The following PARD3B variants were observed in gnomAD, a reference collection of about 807,000 sequenced individuals.
PARD3B encodes partitioning defective 3 homolog B.
PARD3B carries 103 observed loss-of-function variants against 130.2 expected under a neutral mutation model. The observed-to-expected ratio is 0.79, with a 90% confidence interval of 0.67 to 0.93. The LOEUF is 0.93. Ranked by LOEUF, PARD3B falls within the 40% of genes least tolerant of loss-of-function variation. The pLI, the probability that PARD3B is intolerant of heterozygous loss-of-function variation, is 0.00. For synonymous variants in PARD3B, 583 were observed against 553.2 expected, an observed-to-expected ratio of 1.05 and a Z score of -0.76; for missense variants, 1,609 against 1,499.2, an observed-to-expected ratio of 1.07 and a Z score of -1.21.
chr2:205,137,354 A>G (rs748951385), intron 10 of PARD3B, among the ~76,000 whole-genome samples: 3 of 152,224 alleles, frequency 2.0e-5, no homozygotes, highest in Non-Finnish European at 4.4e-5. Flanking sequence ...TTCCGAAGGC[A>G]GGAAAGAAAA....
intron 10 of PARD3B, among the ~76,000 whole-genome samples, chr2:205,132,224 G>C (rs539021205): frequency 3.5e-4 from 53 of 152,288 alleles, no homozygotes; most frequent in Middle Eastern, 6.8e-3. Flanking sequence ...TATTGTGGTA[G>C]AAAACTTTGG....
chr2:205,069,354 G>A (rs906126176), intron 4 of PARD3B, among the ~76,000 whole-genome samples: 3 of 151,898 alleles, frequency 2.0e-5, no homozygotes, highest in African/African-American at 7.2e-5. Flanking sequence ...GTTATAAGGG[G>A]CATATAGATA....
chr2:204,573,522 A>G (rs2032104293), intron 1 of PARD3B, among the ~76,000 whole-genome samples: 1 of 152,122 alleles, frequency 6.6e-6, no homozygotes, highest in South Asian at 2.1e-4. Flanking sequence ...AGAGATGGTT[A>G]CTTGTCCTTT....
intron 21 of PARD3B, among the ~76,000 whole-genome samples, chr2:205,546,352 T>C (rs2052379559): frequency 6.6e-6 from 1 of 152,196 alleles, no homozygotes; most frequent in South Asian, 2.1e-4. Context: ...TAGATTTCTG[T>C]TATGGCTTAA....
At chr2:205,124,569 T>G in intron 9 of PARD3B, 103 bp downstream of exon 9, 2 of 839,900 alleles carry the variant, frequency 2.4e-6, no homozygotes, top group Non-Finnish European at 3.1e-6. Flanking sequence ...ATTTTTATTT[T>G]GAACCTAATA....
chr2:205,068,922 G>T (rs1182271521), intron 4 of PARD3B, among the ~76,000 whole-genome samples: 1 of 151,970 alleles, frequency 6.6e-6, no homozygotes, highest in Non-Finnish European at 1.5e-5. Context: ...GATATTTTGT[G>T]ATCTAGTGTA....
chr2:204,782,807 T>G (rs1314465500), intron 2 of PARD3B, among the ~76,000 whole-genome samples: 1 of 152,090 alleles, frequency 6.6e-6, no homozygotes, highest in Non-Finnish European at 1.5e-5. Flanking sequence ...TGGTTAAGTA[T>G]GGCTGTTTCT....
intron 2 of PARD3B, among the ~76,000 whole-genome samples, chr2:204,770,806 C>A (rs139111944): frequency 1.8e-4 from 28 of 152,184 alleles, no homozygotes; most frequent in African/African-American, 6.5e-4. Flanking sequence ...TGTATTAACA[C>A]CTGACAGGCA....
intron 21 of PARD3B, among the ~76,000 whole-genome samples, chr2:205,545,944 G>A (rs1465844721): frequency 5.9e-5 from 9 of 152,174 alleles, no homozygotes; most frequent in African/African-American, 1.7e-4. Context: ...AGCAATGCCA[G>A]GCTAGAAATA....
chr2:204,604,009 G>A (rs1445872616), intron 1 of PARD3B, among the ~76,000 whole-genome samples: 1 of 152,134 alleles, frequency 6.6e-6, no homozygotes, highest in African/African-American at 2.4e-5. Flanking sequence ...TACCTGCTGG[G>A]TGAGTAATAA....
intron 2 of PARD3B, among the ~76,000 whole-genome samples, chr2:204,870,611 G>A (rs937528019): frequency 6.6e-6 from 1 of 152,132 alleles, no homozygotes; most frequent in African/African-American, 2.4e-5. Context: ...AGTAAAATAG[G>A]AAGATGAGGA....
Position 205,611,731 on chromosome 2 carries a change from A to T in PARD3B, c.3261-3725A>T, listed in dbSNP as rs531638866. Among the ~76,000 whole-genome samples the T allele has an allele frequency of 2.0e-5, 3 of 152,338 alleles. No homozygotes were observed. The East Asian group carries it at 5.8e-4, about 29-fold the overall frequency. On this transcript the variant is annotated intron_variant, in intron 22 of 22. Transcript: ENST00000406610. The stretch of plus-strand genomic sequence containing the variant: ...ACAGCCCCCTCTACGAGTTGTAAAG[A>T]AAACAAATATGGGCTTGTTTCTCTT...
chr2:205,330,861 A>T (rs1018224469), intron 18 of PARD3B, among the ~76,000 whole-genome samples: 1 of 152,150 alleles, frequency 6.6e-6, no homozygotes, highest in Non-Finnish European at 1.5e-5. Flanking sequence ...TAATTTCTAA[A>T]CTATAATGTG....
At chr2:204,579,902 G>A (rs2032463247) in intron 1 of PARD3B, among the ~76,000 whole-genome samples, 1 of 152,200 alleles carries the variant, frequency 6.6e-6, no homozygotes, top group East Asian at 1.9e-4. Flanking sequence ...GCTAGGGTTT[G>A]GTTAGGAAAG....
At position 205,500,065 on chromosome 2, in the gene PARD3B, A is replaced by C. The variant is rs201278243; in HGVS notation, c.3180+34A>C. The stretch of plus-strand genomic sequence containing the variant: ...ATGCATGATTTCAATCGTTGAATTC[A>C]TCTTTTCTAAGAATGTTTAGAGCAG... On this transcript the variant is annotated intron_variant, in intron 21 of 22. Coordinates refer to ENST00000406610, the MANE Select transcript of PARD3B (RefSeq NM_001302769.2). 5 of 1,607,508 alleles carry C rather than the reference A, an allele frequency of 3.1e-6. No homozygotes were observed. In the Admixed American group the frequency reaches 8.4e-5, roughly 27 times the overall value.
chr2:204,923,400 A>G lies in PARD3B; in HGVS notation c.223-41752A>G, dbSNP rs139099998. ...TATATTTATTTGTATATTAAATTTG[A>G]TACAGCACAACTTATGTAAAATAAA... is the stretch of plus-strand genomic sequence containing the variant. On this transcript the variant is annotated intron_variant, in intron 2 of 22. Transcript: ENST00000406610. Among the ~76,000 whole-genome samples the G allele has an allele frequency of 9.4e-3, 1,430 of 152,138 alleles. 23 individuals are homozygous for G. The highest frequency in any genetic ancestry group is 0.032 in the African/African-American group (1,327 of 41,546).
intron 15 of PARD3B, among the ~76,000 whole-genome samples, chr2:205,232,636 A>G (rs2038900254): frequency 6.6e-6 from 1 of 151,550 alleles, no homozygotes; most frequent in African/African-American, 2.4e-5. Flanking sequence ...TTAAATTATT[A>G]TAGTTGTATT....
Position 205,187,952 on chromosome 2 carries a change from T to A in PARD3B, c.2024+2089T>A, listed in dbSNP as rs1024766921. Reference sequence around the variant, plus strand: ...TTTGGTTATTAAGTCATTTATTCACTTACTCATCCATTCAAAAGTATTTCT... The same window carrying A: ...TTTGGTTATTAAGTCATTTATTCACATACTCATCCATTCAAAAGTATTTCT... On this transcript the variant is annotated intron_variant, in intron 14 of 22. Coordinates refer to ENST00000406610, the MANE Select transcript of PARD3B (RefSeq NM_001302769.2). This position sits in a 1 kb window ranked among gnomAD's most constrained non-coding sequence, Gnocchi z 4.9. Among the ~76,000 whole-genome samples the A allele has an allele frequency of 3.3e-5, 5 of 152,230 alleles. No individual in the cohort carries two copies. The highest frequency in any genetic ancestry group is 7.2e-5 in the African/African-American group (3 of 41,458).
rs532615763 is a variant in PARD3B, at chr2:204,675,804, A to G, written c.121-10377A>G. Among the ~76,000 whole-genome samples the G allele has an allele frequency of 6.6e-6, 1 of 152,324 alleles. No homozygotes were observed. The highest frequency in any genetic ancestry group is 2.1e-4 in the South Asian group (1 of 4,828). Reference sequence around the variant, plus strand: ...CAATACTTAAATATTTTTCTATTTGAAAAAGGGAATAAGTAATATTATTAA... The same window carrying G: ...CAATACTTAAATATTTTTCTATTTGGAAAAGGGAATAAGTAATATTATTAA... On this transcript the variant is annotated intron_variant, in intron 1 of 22. Coordinates refer to ENST00000406610, the MANE Select transcript of PARD3B (RefSeq NM_001302769.2). The surrounding 1 kb of genome is among the most constrained non-coding windows in gnomAD (Gnocchi z 4.4).
Sources: gnomAD v4.1 joint callset for allele counts (sites outside exome capture counted in the v4.1 genomes callset) on GRCh38, gnomAD v4.1.1 for gene constraint, Gnocchi (gnomAD v3.1) non-coding constraint, MANE v1.5 for transcripts, NCBI Gene and HGNC (gene_info 2026-07-23, HGNC 2026-07-21) for gene names.